Variants in GRIP1 observed in about 807,000 individuals in gnomAD.
GRIP1 encodes the protein glutamate receptor-interacting protein 1.
In GRIP1, 45 loss-of-function variants were observed where a neutral mutation model predicts 129.9. That is an observed-to-expected ratio of 0.35 (90% confidence interval 0.27 to 0.44). The LOEUF (loss-of-function observed/expected upper bound fraction) is 0.44, where lower values mean the gene tolerates loss of function less well. GRIP1 is among the 20% of genes least tolerant of loss of function. The pLI is 1.00. For synonymous variants in GRIP1, 530 were observed against 520.8 expected, an observed-to-expected ratio of 1.02 and a Z score of -0.24; for missense variants, 1,196 against 1,396.8, an observed-to-expected ratio of 0.86 and a Z score of 2.29.
chr12:66,823,707 C>A (rs1038506772), intron 1 of GRIP1, among the ~76,000 whole-genome samples: 1 of 151,326 alleles, frequency 6.6e-6, no homozygotes, highest in Non-Finnish European at 1.5e-5. Flanking sequence ...TTTCTCTATA[C>A]AAATGATTTC....
chr12:66,697,568 T>G (rs745939105), intron 1 of GRIP1, among the ~76,000 whole-genome samples: 1 of 152,126 alleles, frequency 6.6e-6, no homozygotes. Context: ...GGGGCTCAAT[T>G]TGGGGCAGTC....
chr12:66,835,976 C>T (rs1474074196), intron 1 of GRIP1, among the ~76,000 whole-genome samples: 1 of 152,050 alleles, frequency 6.6e-6, no homozygotes, highest in East Asian at 1.9e-4. Context: ...GGGGAGGGAA[C>T]ATATAAAAAC....
chr12:66,736,010 G>A (rs368559612), intron 1 of GRIP1, among the ~76,000 whole-genome samples: 12 of 152,000 alleles, frequency 7.9e-5, no homozygotes, highest in African/African-American at 2.7e-4. Flanking sequence ...AAGAAGAGAA[G>A]GTGAACATAA....
chr12:66,407,862 G>A, intron 15 of GRIP1, among the ~76,000 whole-genome samples: 1 of 152,128 alleles, frequency 6.6e-6, no homozygotes, highest in Admixed American at 6.5e-5. Context: ...GAAACCAGCT[G>A]GGGTGGCTAA....
intron 7 of GRIP1, among the ~76,000 whole-genome samples, chr12:66,467,841 C>T (rs1336060576): frequency 6.6e-6 from 1 of 152,166 alleles, no homozygotes; most frequent in East Asian, 1.9e-4. Context: ...TTTCTCAAAC[C>T]CACTTTCCAT....
intron 1 of GRIP1, among the ~76,000 whole-genome samples, chr12:66,780,726 C>T (rs183486833): frequency 1.6e-3 from 244 of 152,220 alleles, no homozygotes; most frequent in Non-Finnish European, 2.8e-3. Flanking sequence ...CAGAGGATGG[C>T]AAAAGTGTCT....
At chr12:67,052,473 C>T (rs750698248) in intron 1 of GRIP1, among the ~76,000 whole-genome samples, 32 of 152,196 alleles carry the variant, frequency 2.1e-4, no homozygotes, top group Non-Finnish European at 4.1e-4. Flanking sequence ...AAAATCTTTA[C>T]AACAGGCCGG....
At chr12:66,989,894 T>C (rs564566577) in intron 1 of GRIP1, among the ~76,000 whole-genome samples, 2 of 152,300 alleles carry the variant, frequency 1.3e-5, no homozygotes, top group East Asian at 1.9e-4. Flanking sequence ...GGAAGAAAAG[T>C]GTAAATGATT....
chr12:66,919,661 T>C (rs577347836), intron 1 of GRIP1, among the ~76,000 whole-genome samples: 2 of 152,118 alleles, frequency 1.3e-5, no homozygotes, highest in Non-Finnish European at 2.9e-5. Context: ...GTTTGGGGCT[T>C]GACTTTTTTC....
chr12:67,022,004 T>C (rs765260345), intron 1 of GRIP1, among the ~76,000 whole-genome samples: 2 of 152,186 alleles, frequency 1.3e-5, no homozygotes, highest in African/African-American at 2.4e-5. Context: ...TATGGCTCAA[T>C]AGTATTCCAT....
At chr12:66,578,395 G>T (rs943820745) in intron 2 of GRIP1, among the ~76,000 whole-genome samples, 1 of 152,110 alleles carries the variant, frequency 6.6e-6, no homozygotes, top group African/African-American at 2.4e-5. Flanking sequence ...GGGAGTGCCA[G>T]ACAGTGGGTG....
intron 1 of GRIP1, among the ~76,000 whole-genome samples, chr12:66,803,523 A>C (rs1462369112): frequency 1.3e-5 from 2 of 152,238 alleles, no homozygotes; most frequent in Non-Finnish European, 2.9e-5. Flanking sequence ...ACAGCAAATA[A>C]GAATTAACCT....
chr12:66,981,444 C>T (rs891271819), intron 1 of GRIP1, among the ~76,000 whole-genome samples: 1 of 152,048 alleles, frequency 6.6e-6, no homozygotes, highest in Non-Finnish European at 1.5e-5. Context: ...AATAACTGGA[C>T]AAATATAAAT....
intron 4 of GRIP1, among the ~76,000 whole-genome samples, chr12:66,534,329 C>G (rs182354449): frequency 2.6e-5 from 4 of 152,304 alleles, no homozygotes; most frequent in East Asian, 3.9e-4. Flanking sequence ...ATACTCATCT[C>G]CTTTAACTCT....
intron 10 of GRIP1, 92 bp downstream of exon 10, chr12:66,456,095 A>T: frequency 1.3e-6 from 1 of 752,324 alleles, no homozygotes; most frequent in Non-Finnish European, 2.0e-6. Context: ...AACAGAAAAA[A>T]CAACATCCAT....
rs983851509 is a variant in GRIP1, at chr12:66,458,020, G to A, written c.1043-1678C>T. ...TTGATTTGTCTACTTTTCCATTTACGTGCCAACAATAAAGTATCTTTTAAA... is the reference window on the plus strand; with the variant it reads ...TTGATTTGTCTACTTTTCCATTTACATGCCAACAATAAAGTATCTTTTAAA... On this transcript the variant is annotated intron_variant, in intron 9 of 24. Transcript: ENST00000359742. 3.3e-5 allele frequency among the ~76,000 whole-genome samples: 5 copies of A among 152,168 alleles called. 1 individual carries two copies. Among genetic ancestry groups the A allele is most frequent in the African/African-American group, 4.8e-5 (2 of 41,438 alleles).
chr12:66,445,405 T>A lies in GRIP1; in HGVS notation c.1458A>T (p.Gln486His). 6.2e-7 allele frequency: 1 copy of A among 1,614,160 alleles called. No homozygotes were observed. The highest frequency in any genetic ancestry group is 1.1e-5 in the South Asian group (1 of 91,084). ...TADPVTGFGI[Q>H]LQGSVFATET... Reference sequence around the variant, plus strand: ...CTGTGGCAAACACACTGCCCTGCAGTTGGATCCCAAATCCTGTGACAGGAT... The same window carrying A: ...CTGTGGCAAACACACTGCCCTGCAGATGGATCCCAAATCCTGTGACAGGAT... Residue 486 changes from glutamine to histidine, a missense_variant, in exon 12 of 25, where the codon CAA becomes CAT. Physicochemically the swap from Gln to His is conservative, Grantham distance 24 (BLOSUM62 0). Around this residue, in one of 5 missense-constraint regions of GRIP1, gnomAD observed 508 missense variants for 587.0 expected, o/e 0.87. Transcript: ENST00000359742.
intron 7 of GRIP1, among the ~76,000 whole-genome samples, chr12:66,509,619 A>G (rs2060635939): frequency 2.6e-5 from 4 of 152,184 alleles, no homozygotes; most frequent in Admixed American, 2.6e-4. Flanking sequence ...ATGCAGCCAT[A>G]AAAAGGAATG....
chr12:66,731,287 T>C (rs10784578), intron 1 of GRIP1, among the ~76,000 whole-genome samples: 50,706 of 152,068 alleles, frequency 0.33, 8,824 homozygotes, highest in Non-Finnish European at 0.37. Context: ...TTTTGGACTA[T>C]CATTAAGCTG....
Sources: allele counts gnomAD v4.1 joint callset (sites outside exome capture counted in the v4.1 genomes callset), GRCh38; gene constraint gnomAD v4.1.1; regional missense constraint gnomAD v4.1.1; transcripts MANE v1.5; gene names NCBI Gene and HGNC (gene_info 2026-07-23, HGNC 2026-07-21).